RBFOX1: variants seen among roughly 807,000 people sequenced by gnomAD.
RBFOX1 encodes the protein RNA binding fox-1 homolog 1.
In RBFOX1, 8 loss-of-function variants were observed where a neutral mutation model predicts 57.7. The ratio of observed to expected loss-of-function variants is 0.14; its 90% CI spans 0.08 to 0.25. The LOEUF is 0.25. RBFOX1 is among the 10% of genes least tolerant of loss of function. RBFOX1 has a pLI of 1.00. For synonymous variants in RBFOX1, 326 were observed against 222.4 expected (o/e 1.47, Z -4.15); for missense variants, 611 against 548.5 (o/e 1.11, Z -1.14).
At chr16:7,279,581 C>G (rs2095503153) in intron 4 of RBFOX1, among the ~76,000 whole-genome samples, 1 of 152,098 alleles carries the variant, frequency 6.6e-6, no homozygotes. Context: ...TAGCCAGGGC[C>G]ACGTTAGACA....
At chr16:6,365,350 G>GGATC (rs1435959714) in intron 2 of RBFOX1, among the ~76,000 whole-genome samples, 1 of 151,652 alleles carries the variant, frequency 6.6e-6, no homozygotes, top group Non-Finnish European at 1.5e-5. Flanking sequence ...ATGGATGGAT[G>GGATC]GATGGATAGA....
intron 1 of RBFOX1, among the ~76,000 whole-genome samples, chr16:5,420,699 A>G (rs550500240): frequency 9.9e-5 from 15 of 152,142 alleles, no homozygotes; most frequent in Admixed American, 5.9e-4. Flanking sequence ...ATGCCTGGCT[A>G]ATTTTTGTAT....
chr16:7,136,475 T>C (rs1486120921), intron 4 of RBFOX1, among the ~76,000 whole-genome samples: 1 of 148,902 alleles, frequency 6.7e-6, no homozygotes, highest in African/African-American at 2.5e-5. Context: ...GGTGCAATGA[T>C]GGTGCAATAC....
At chr16:5,240,005 A>C in exon 1 of RBFOX1, 2 of 1,530,340 alleles carry the variant, frequency 1.3e-6, no homozygotes, top group Non-Finnish European at 1.7e-6. Flanking sequence ...CTGGGGCTGG[A>C]GGGGGGAAGC....
chr16:6,557,514 A>T (rs1178714780), intron 2 of RBFOX1, among the ~76,000 whole-genome samples: 1 of 152,156 alleles, frequency 6.6e-6, no homozygotes, highest in Non-Finnish European at 1.5e-5. Context: ...GCAGTAATAT[A>T]TGGAATTACT....
intron 1 of RBFOX1, among the ~76,000 whole-genome samples, chr16:6,126,132 A>C (rs1195153522): frequency 6.6e-6 from 1 of 152,232 alleles, no homozygotes; most frequent in Non-Finnish European, 1.5e-5. Context: ...CACTTCAGCC[A>C]GGAAATCAAA....
At chr16:5,453,491 C>A (rs2068491147) in intron 1 of RBFOX1, among the ~76,000 whole-genome samples, 1 of 152,140 alleles carries the variant, frequency 6.6e-6, no homozygotes, top group African/African-American at 2.4e-5. Flanking sequence ...ACTAGGCACC[C>A]CTCTTCATCA....
intron 14 of RBFOX1, among the ~76,000 whole-genome samples, chr16:7,691,751 G>C (rs113016305): frequency 6.6e-6 from 1 of 152,104 alleles, no homozygotes; most frequent in African/African-American, 2.4e-5. Context: ...TTGCAGAAAG[G>C]GAACACAAGC....
At chr16:5,828,359 A>G (rs1032472061) in intron 3 of RBFOX1, among the ~76,000 whole-genome samples, 6 of 152,192 alleles carry the variant, frequency 3.9e-5, no homozygotes, top group African/African-American at 1.4e-4. Flanking sequence ...GTCACTAGTA[A>G]GGTGGTGTGA....
At chr16:7,217,927 T>C (rs963120187) in intron 4 of RBFOX1, among the ~76,000 whole-genome samples, 1 of 151,296 alleles carries the variant, frequency 6.6e-6, no homozygotes, top group Non-Finnish European at 1.5e-5. Context: ...TGAGTGTAGG[T>C]GTGTGCGTGC....
rs59509314 is a variant in RBFOX1 at position 7,711,227 on chromosome 16, GAA to G, written c.*494_*495del. 6,063 of 144,386 alleles carry G rather than the reference GAA, an allele frequency of 0.042. 163 individuals carry two copies. The highest frequency in any genetic ancestry group is 0.065 in the Middle Eastern group (18 of 276). 8.9% of individuals were successfully genotyped at this position (144,386 alleles called of 1,614,324 possible). A position where few individuals can be genotyped will look rare whatever the true frequency, so the allele number is the denominator to read the frequency against. On this transcript the variant is annotated 3_prime_UTR_variant, in exon 16 of 16. Transcript: ENST00000550418. Reference sequence around the variant, plus strand: ...GATTGGAACTGGGGTTTGGCTGAAAGAAAAAAAAAAAAATGTAACTGATGAAT... The same window carrying G: ...GATTGGAACTGGGGTTTGGCTGAAAGAAAAAAAAAAATGTAACTGATGAAT...
chr16:6,787,578 C>T (rs539823582), intron 3 of RBFOX1, among the ~76,000 whole-genome samples: 1 of 152,126 alleles, frequency 6.6e-6, no homozygotes, highest in South Asian at 2.1e-4. Flanking sequence ...CCGTAAATCA[C>T]CTGTGACACC....
chr16:5,753,437 T>G (rs2053284558), intron 3 of RBFOX1, among the ~76,000 whole-genome samples: 3 of 152,198 alleles, frequency 2.0e-5, no homozygotes, highest in African/African-American at 2.4e-5. Context: ...GTTTTTCACT[T>G]GAAAAAGAGT....
chr16:5,580,229 G>A (rs1264094514), intron 2 of RBFOX1, among the ~76,000 whole-genome samples: 1 of 152,230 alleles, frequency 6.6e-6, no homozygotes, highest in Non-Finnish European at 1.5e-5. Context: ...TAACAGTTGG[G>A]CCTGAAGAGC....
intron 3 of RBFOX1, among the ~76,000 whole-genome samples, chr16:6,833,904 G>A (rs765496968): frequency 2.4e-4 from 37 of 152,046 alleles, no homozygotes; most frequent in Non-Finnish European, 4.9e-4. Context: ...ACCTGGCAAG[G>A]TTGATCAATC....
chr16:5,603,984 C>T (rs189893904), downstream of RBFOX1, among the ~76,000 whole-genome samples: 16 of 152,282 alleles, frequency 1.1e-4, no homozygotes, highest in Admixed American at 9.8e-4. Flanking sequence ...TTCTCCCCTC[C>T]TATACCCAAG....
intron 3 of RBFOX1, among the ~76,000 whole-genome samples, chr16:6,656,930 C>CT (rs2098659633): frequency 8.0e-6 from 1 of 125,732 alleles, no homozygotes; most frequent in Non-Finnish European, 1.6e-5. Flanking sequence ...CTCCTCTCCT[C>CT]CCCTCTCCTC....
intron 4 of RBFOX1, among the ~76,000 whole-genome samples, chr16:7,120,705 A>AC (rs1274646182): frequency 5.3e-5 from 8 of 151,034 alleles, no homozygotes; most frequent in South Asian, 2.1e-4. Context: ...AAAAAAAAAA[A>AC]AAAACTATAC....
chr16:7,705,323 A>C (rs2082084325), intron 14 of RBFOX1, among the ~76,000 whole-genome samples: 1 of 152,060 alleles, frequency 6.6e-6, no homozygotes, highest in Non-Finnish European at 1.5e-5. Flanking sequence ...TGGCTAACAC[A>C]GTGAAGCCCC....
Sources: gnomAD v4.1 joint callset for allele counts (sites outside exome capture counted in the v4.1 genomes callset) on GRCh38, gnomAD v4.1.1 for gene constraint, MANE v1.5 for transcripts, NCBI Gene and HGNC (gene_info 2026-07-23, HGNC 2026-07-21) for gene names.